DNAH11: variants seen among roughly 807,000 people sequenced by gnomAD.
DNAH11 encodes the protein axonemal beta dynein heavy chain 11.
A neutral mutation model predicts 526.0 loss-of-function variants in DNAH11; 442 were observed. The observed-to-expected ratio is 0.84, with a 90% CI of 0.78 to 0.91. DNAH11 has a LOEUF of 0.91. Among genes scored for constraint, DNAH11 ranks in the 40% least tolerant of loss-of-function variants. The pLI is 0.00. For missense variants in DNAH11, 6,989 were observed against 5,448.7 expected, an observed-to-expected ratio of 1.28 and a Z score of -8.90; for synonymous variants, 2,461 against 1,935.9, an observed-to-expected ratio of 1.27 and a Z score of -7.12.
chr7:21,719,331 C>T (rs1784787561), intron 43 of DNAH11, among the ~76,000 whole-genome samples: 1 of 152,190 alleles, frequency 6.6e-6, no homozygotes, highest in Non-Finnish European at 1.5e-5. Context: ...TATATGACGC[C>T]TCTTTAAGTT....
intron 65 of DNAH11, among the ~76,000 whole-genome samples, chr7:21,827,334 G>C (rs1323649036): frequency 1.3e-5 from 2 of 152,058 alleles, no homozygotes; most frequent in African/African-American, 4.8e-5. Flanking sequence ...AAATTTACTG[G>C]CTTACATATT....
Position 21,797,607 on chromosome 7 carries a change from A to G in DNAH11, c.10027-3530A>G, listed in dbSNP as rs182064228. ...TGTGAGACACTAGTGCTCCTTTCAA[A>G]TCTCTGAATACACATAAAACAGTCA... On this transcript the variant is annotated intron_variant, in intron 61 of 81. Coordinates refer to ENST00000409508, the MANE Select transcript of DNAH11 (RefSeq NM_001277115.2). Among the ~76,000 whole-genome samples, 6 of 152,312 alleles carry G rather than the reference A, an allele frequency of 3.9e-5. No individual in the cohort carries two copies. The East Asian group carries it at 1.2e-3, about 29-fold the overall frequency.
intron 54 of DNAH11, among the ~76,000 whole-genome samples, chr7:21,763,860 C>G (rs561932867): frequency 6.7e-5 from 10 of 150,258 alleles, no homozygotes; most frequent in African/African-American, 9.8e-5. Flanking sequence ...ATATTTTCAT[C>G]TATAAAACAA....
chr7:21,808,631 C>T (rs184713232), intron 63 of DNAH11, among the ~76,000 whole-genome samples: 18 of 152,300 alleles, frequency 1.2e-4, no homozygotes, highest in Admixed American at 5.2e-4. Flanking sequence ...TAAGAACATA[C>T]GATATTTATC....
intron 30 of DNAH11, among the ~76,000 whole-genome samples, chr7:21,673,056 A>C (rs1265912884): frequency 6.6e-6 from 1 of 152,146 alleles, no homozygotes; most frequent in Non-Finnish European, 1.5e-5. Flanking sequence ...GGTGTGTGAC[A>C]TAGAAGGTGT....
chr7:21,896,070 T>C (rs1784505516), intron 79 of DNAH11, among the ~76,000 whole-genome samples: 1 of 152,214 alleles, frequency 6.6e-6, no homozygotes, highest in Non-Finnish European at 1.5e-5. Context: ...AGCCTTCAGC[T>C]TCCCTCTGAA....
Position 21,789,354 on chromosome 7 carries a change from C to G in DNAH11, c.10026+12C>G. ...GGAAAAAGCTTGTGGTGAGTGCAAACTATGACATTGAAAAGGTTCCCAAGA... is the reference window on the plus strand; with the variant it reads ...GGAAAAAGCTTGTGGTGAGTGCAAAGTATGACATTGAAAAGGTTCCCAAGA... On this transcript the variant is annotated intron_variant, in intron 61 of 81. Coordinates refer to ENST00000409508, the MANE Select transcript of DNAH11 (RefSeq NM_001277115.2). 3 of 1,549,162 alleles carry G rather than the reference C, an allele frequency of 1.9e-6. No homozygotes were observed. The highest frequency in any genetic ancestry group is 1.7e-6 in the Non-Finnish European group (2 of 1,144,646).
At chr7:21,675,770 T>C (rs1782854061) in intron 30 of DNAH11, among the ~76,000 whole-genome samples, 1 of 152,148 alleles carries the variant, frequency 6.6e-6, no homozygotes, top group African/African-American at 2.4e-5. Flanking sequence ...GAGACAGATG[T>C]GGGCCTTGCT....
rs74777508 is a variant in DNAH11 at position 21,774,542 on chromosome 7, C to A, written c.9336+543C>A. ...TTGCAGGAGTAAATCAGGAGAGAAT[C>A]ATCACAGGATGTTAATCATGTGTGG... On this transcript the variant is annotated intron_variant, in intron 56 of 81. Transcript: ENST00000409508. Among the ~76,000 whole-genome samples, 360 of 152,296 alleles carry A rather than the reference C, an allele frequency of 2.4e-3. 6 individuals are homozygous for A. Among genetic ancestry groups the A allele is most frequent in the East Asian group, 6.0e-3 (31 of 5,184 alleles).
chr7:21,559,896 C>A, intron 4 of DNAH11, 104 bp downstream of exon 4: 1 of 953,984 alleles, frequency 1.0e-6, no homozygotes, highest in Non-Finnish European at 1.5e-6. Flanking sequence ...GTATAATTTA[C>A]TGGTCTGCCC....
chr7:21,723,981 T>C (rs1784979728), intron 44 of DNAH11, among the ~76,000 whole-genome samples: 1 of 152,258 alleles, frequency 6.6e-6, no homozygotes, highest in African/African-American at 2.4e-5. Flanking sequence ...CACATCTTCA[T>C]GTTCCTCTCC....
At chr7:21,862,086 A>G in intron 69 of DNAH11, 63 bp downstream of exon 69, 5 of 1,410,566 alleles carry the variant, frequency 3.5e-6, no homozygotes, top group Non-Finnish European at 3.8e-6. Flanking sequence ...TCTGTTTATT[A>G]TATATTTTAT....
At chr7:21,672,986 T>C (rs966331568) in intron 30 of DNAH11, among the ~76,000 whole-genome samples, 1 of 152,236 alleles carries the variant, frequency 6.6e-6, no homozygotes, top group Non-Finnish European at 1.5e-5. Flanking sequence ...TTTAGATATG[T>C]GTATCCTATA....
chr7:21,792,923 A>G (rs1788538643), intron 61 of DNAH11, among the ~76,000 whole-genome samples: 1 of 150,890 alleles, frequency 6.6e-6, no homozygotes, highest in African/African-American at 2.4e-5. Flanking sequence ...TTTGGGTTTG[A>G]TTTGTTCTTA....
Position 21,892,512 on chromosome 7 carries a change from C to T in DNAH11, c.12595C>T (p.Leu4199Phe), listed in dbSNP as rs1270819929. The T allele has an allele frequency of 1.9e-6, 3 of 1,613,852 alleles. No homozygotes were observed. The highest frequency in any genetic ancestry group is 4.5e-5 in the East Asian group (2 of 44,884). The change falls in exon 77 of 82, where the codon CTT (leucine) becomes TTT (phenylalanine). Residue 4199 changes from leucine (L) to phenylalanine (F), a missense_variant. Coordinates refer to ENST00000409508, the MANE Select transcript of DNAH11 (RefSeq NM_001277115.2). ...CTACCACCAGTACATAGAGGAGATGCTTCCTCCAGAAAGCCCGGCACTGTA... is the reference window on the plus strand; with the variant it reads ...CTACCACCAGTACATAGAGGAGATGTTTCCTCCAGAAAGCCCGGCACTGTA... ...AGYHQYIEEM[L>F]PPESPALYGL...
chr7:21,634,201 C>A (rs1562716764), intron 25 of DNAH11, among the ~76,000 whole-genome samples: 1 of 152,150 alleles, frequency 6.6e-6, no homozygotes, highest in African/African-American at 2.4e-5. Flanking sequence ...AGGTGAAACA[C>A]CAGACCACAG....
chr7:21,741,180 A>G (rs1271765745), intron 48 of DNAH11, among the ~76,000 whole-genome samples: 1 of 152,186 alleles, frequency 6.6e-6, no homozygotes, highest in African/African-American at 2.4e-5. Flanking sequence ...ATTTCATATG[A>G]TGAGAATCAT....
chr7:21,690,999 T>C, intron 35 of DNAH11, 118 bp downstream of exon 35: 2 of 716,632 alleles, frequency 2.8e-6, no homozygotes, highest in Non-Finnish European at 2.4e-6. Flanking sequence ...TCCTATATGA[T>C]TTCCTTGGGC....
intron 63 of DNAH11, among the ~76,000 whole-genome samples, chr7:21,809,172 G>A (rs1264181440): frequency 6.6e-6 from 1 of 152,080 alleles, no homozygotes; most frequent in African/African-American, 2.4e-5. Flanking sequence ...TTGGCCATTT[G>A]TACATCTTCT....
Sources: gnomAD v4.1 joint callset for allele counts (sites outside exome capture counted in the v4.1 genomes callset) on GRCh38, gnomAD v4.1.1 for gene constraint, MANE v1.5 for transcripts, NCBI Gene and HGNC (gene_info 2026-07-23, HGNC 2026-07-21) for gene names.